Variants in FER observed in about 807,000 individuals in gnomAD.
The protein encoded by FER is FER tyrosine kinase, also known as tyrosine-protein kinase Fer.
In FER, 63 loss-of-function variants were observed where a neutral mutation model predicts 111.0. The observed-to-expected ratio is 0.57, with a 90% CI of 0.46 to 0.70. The LOEUF (loss-of-function observed/expected upper bound fraction) is 0.70. Among genes scored for constraint, FER ranks in the 30% least tolerant of loss-of-function variants. The pLI, the probability that FER is intolerant of heterozygous loss-of-function variation, is 0.00. For synonymous variants in FER, 327 were observed against 313.9 expected (o/e 1.04, Z -0.44); for missense variants, 914 against 954.0 (o/e 0.96, Z 0.55).
intron 17 of FER, among the ~76,000 whole-genome samples, chr5:109,138,092 G>A (rs372220235): frequency 6.6e-6 from 1 of 152,162 alleles, no homozygotes; most frequent in East Asian, 1.9e-4. Context: ...AACTATAGGA[G>A]AGAATGCCAT....
intron 12 of FER, among the ~76,000 whole-genome samples, chr5:108,957,289 CA>C (rs1400138217): frequency 4.6e-5 from 7 of 151,448 alleles, no homozygotes; most frequent in African/African-American, 1.7e-4. Context: ...ACATTTAATA[CA>C]AAGTATAAAT....
intron 3 of FER, among the ~76,000 whole-genome samples, chr5:108,801,099 C>A (rs375557986): frequency 4.3e-4 from 65 of 152,270 alleles, no homozygotes; most frequent in African/African-American, 1.5e-3. Flanking sequence ...CCTGTGTTAT[C>A]ATCTGGAAAT....
intron 16 of FER, among the ~76,000 whole-genome samples, chr5:109,060,772 G>GTA (rs57784433): frequency 0.39 from 52,667 of 133,360 alleles, 9,303 homozygotes; most frequent in Non-Finnish European, 0.45. Flanking sequence ...GTGTGTGTGT[G>GTA]TATATATATA....
intron 17 of FER, among the ~76,000 whole-genome samples, chr5:109,122,042 TG>T (rs1453678305): frequency 6.6e-6 from 1 of 151,946 alleles, no homozygotes; most frequent in African/African-American, 2.4e-5. Flanking sequence ...ACTTTTGTTT[TG>T]TTAGCCTTTT....
intron 10 of FER, among the ~76,000 whole-genome samples, chr5:108,918,152 A>G (rs1752503854): frequency 6.6e-6 from 1 of 152,166 alleles, no homozygotes; most frequent in Admixed American, 6.5e-5. Flanking sequence ...GAAAAGGGAG[A>G]TAAAGTCATA....
At chr5:108,924,637 A>C in intron 10 of FER, 1 of 1,231,812 alleles carries the variant, frequency 8.1e-7, no homozygotes, top group Non-Finnish European at 1.0e-6. Flanking sequence ...GCCCACTGTC[A>C]CTATCTCTTA....
chr5:109,028,557 A>G (rs1769113924), intron 13 of FER, among the ~76,000 whole-genome samples: 1 of 152,266 alleles, frequency 6.6e-6, no homozygotes, highest in Non-Finnish European at 1.5e-5. Flanking sequence ...GGGTTCAAAC[A>G]TTGTTTCTGC....
At chr5:108,834,306 G>A (rs1286017839) in intron 4 of FER, among the ~76,000 whole-genome samples, 3 of 152,136 alleles carry the variant, frequency 2.0e-5, no homozygotes, top group South Asian at 2.1e-4. Flanking sequence ...TACACTTCTT[G>A]CAGTTTTATA....
intron 10 of FER, among the ~76,000 whole-genome samples, chr5:108,906,476 T>C (rs1174086787): frequency 6.6e-6 from 1 of 152,194 alleles, no homozygotes; most frequent in East Asian, 1.9e-4. Flanking sequence ...TGTCATGTAA[T>C]TAACTTACGA....
chr5:108,889,342 A>G (rs1227044928), intron 9 of FER, among the ~76,000 whole-genome samples: 9 of 151,954 alleles, frequency 5.9e-5, no homozygotes, highest in Non-Finnish European at 5.9e-5. Flanking sequence ...AAATGTACCT[A>G]TACACAATGG....
chr5:108,887,052 AT>A (rs960258376), intron 9 of FER, among the ~76,000 whole-genome samples: 6 of 151,624 alleles, frequency 4.0e-5, no homozygotes, highest in African/African-American at 1.4e-4. Context: ...ATTAAAATCA[AT>A]TTTTATCTGG....
chr5:108,845,021 T>TATACATATATATATATATAC (rs1554076835), intron 5 of FER, among the ~76,000 whole-genome samples: 6 of 52,728 alleles, frequency 1.1e-4, no homozygotes, highest in Non-Finnish European at 1.8e-4. Context: ...TATATATATA[T>TATACATATATATATATATAC]ATATATATAT....
chr5:109,140,638 T>C (rs373050157), intron 17 of FER, among the ~76,000 whole-genome samples: 1 of 152,238 alleles, frequency 6.6e-6, no homozygotes. Flanking sequence ...GCTACCCTTA[T>C]GAAAGTCTTG....
At chr5:108,879,016 G>A (rs763662152) in intron 8 of FER, among the ~76,000 whole-genome samples, 1 of 151,988 alleles carries the variant, frequency 6.6e-6, no homozygotes, top group Non-Finnish European at 1.5e-5. Flanking sequence ...TTCTTCATAT[G>A]TAAATGGGGA....
At chr5:109,165,515 G>A (rs1201877935) in intron 17 of FER, among the ~76,000 whole-genome samples, 1 of 152,112 alleles carries the variant, frequency 6.6e-6, no homozygotes, top group Non-Finnish European at 1.5e-5. Flanking sequence ...TTTTCAGAGG[G>A]AGGAACTATC....
rs572898171 is a variant in FER, at chr5:108,929,561, T to A, written c.1237-16569T>A. ...TTTAAGTTAACAGAAATAAGGTACA[T>A]GATCCTTTTAAGGAATTGGGCTTAC... is the stretch of plus-strand genomic sequence containing the variant. On this transcript the variant is annotated intron_variant, in intron 10 of 19. Transcript: ENST00000281092. 4.6e-5 allele frequency among the ~76,000 whole-genome samples: 7 copies of A among 152,244 alleles called. No homozygotes were observed. The East Asian group carries it at 1.4e-3, about 29-fold the overall frequency.
At chr5:108,812,734 T>C (rs1286128897) in intron 3 of FER, among the ~76,000 whole-genome samples, 1 of 152,152 alleles carries the variant, frequency 6.6e-6, no homozygotes, top group East Asian at 1.9e-4. Flanking sequence ...ATGTTTATTG[T>C]GTTATTTTAA....
At chr5:109,179,288 A>G (rs934338496) in intron 17 of FER, among the ~76,000 whole-genome samples, 1 of 152,246 alleles carries the variant, frequency 6.6e-6, no homozygotes, top group South Asian at 2.1e-4. Context: ...TGACCTCAAT[A>G]GAAAAAAATT....
chr5:108,936,264 A>T (rs1385448250), intron 10 of FER, among the ~76,000 whole-genome samples: 1 of 152,014 alleles, frequency 6.6e-6, no homozygotes, highest in Admixed American at 6.6e-5. Flanking sequence ...AAAAAATACA[A>T]TTTTAATAAC....
Sources: gnomAD v4.1 joint callset for allele counts (sites outside exome capture counted in the v4.1 genomes callset) on GRCh38, gnomAD v4.1.1 for gene constraint, MANE v1.5 for transcripts, NCBI Gene and HGNC (gene_info 2026-07-23, HGNC 2026-07-21) for gene names.